FAM131B: variants seen among roughly 807,000 people sequenced by gnomAD.
FAM131B encodes the protein protein FAM131B.
A neutral mutation model predicts 42.0 loss-of-function variants in FAM131B; 19 were observed. The ratio of observed to expected loss-of-function variants is 0.45; its 90% CI spans 0.32 to 0.66. The LOEUF is 0.66. Among genes scored for constraint, FAM131B ranks in the 30% least tolerant of loss-of-function variants. The pLI is 0.05. For missense variants in FAM131B, 370 were observed against 468.4 expected (o/e 0.79, Z 1.94); for synonymous variants, 183 against 177.6 (o/e 1.03, Z -0.24).
At chr7:143,357,209 G>T in intron 6 of FAM131B, 71 bp downstream of exon 6, 1 of 1,499,980 alleles carries the variant, frequency 6.7e-7, no homozygotes, top group Non-Finnish European at 9.2e-7. Flanking sequence ...GAACGGAGCT[G>T]AGTGGAGGCA....
chr7:143,369,698 C>T, the FAM131B span, among the ~76,000 whole-genome samples: 6 of 146,070 alleles, frequency 4.1e-5, no homozygotes, highest in South Asian at 2.2e-4. Context: ...AAGTTTTAAG[C>T]GAGTAGATCT....
the FAM131B span, chr7:143,380,924 G>T: frequency 2.4e-6 from 1 of 423,756 alleles, no homozygotes; most frequent in Non-Finnish European, 3.2e-6. The surrounding 1 kb of genome is among the most constrained non-coding windows in gnomAD (Gnocchi z 5.0). Flanking sequence ...GAGGCGCACA[G>T]GGGCTGCGTG....
chr7:143,380,797 G>A, the FAM131B span: 2 of 984,514 alleles, frequency 2.0e-6, no homozygotes, highest in African/African-American at 3.5e-5. This position sits in a 1 kb window ranked among gnomAD's most constrained non-coding sequence, Gnocchi z 5.0. Flanking sequence ...GTGCACCCTG[G>A]AGCCCAGCTC....
the FAM131B span, chr7:143,381,124 G>A: frequency 1.1e-6 from 1 of 884,178 alleles, no homozygotes; most frequent in Non-Finnish European, 1.4e-6. Flanking sequence ...GTGGGGTGGG[G>A]GCGAGCGGAC....
the FAM131B span, chr7:143,380,509 C>A: frequency 1.0e-6 from 1 of 985,516 alleles, no homozygotes; most frequent in African/African-American, 1.7e-5. The surrounding 1 kb of genome is among the most constrained non-coding windows in gnomAD (Gnocchi z 5.0). Flanking sequence ...CGTCCGCGTC[C>A]GTCCTCCCGG....
chr7:143,376,923 T>A, the FAM131B span, among the ~76,000 whole-genome samples: 2 of 152,312 alleles, frequency 1.3e-5, no homozygotes, highest in African/African-American at 2.4e-5. Flanking sequence ...AAGCCTTCTG[T>A]CCTCCTCAAT....
upstream of FAM131B, among the ~76,000 whole-genome samples, chr7:143,366,011 C>T (rs1462612464): frequency 6.6e-6 from 1 of 152,184 alleles, no homozygotes; most frequent in Admixed American, 6.5e-5. Context: ...CACAGGATCC[C>T]AAAGTCCTTG....
chr7:143,381,581 C>T, the FAM131B span: 2 of 1,610,238 alleles, frequency 1.2e-6, no homozygotes, highest in South Asian at 1.1e-5. Flanking sequence ...CATGGCGGCC[C>T]CCCGCCCGTC....
chr7:143,371,711 G>T, the FAM131B span, among the ~76,000 whole-genome samples: 1 of 152,124 alleles, frequency 6.6e-6, no homozygotes, highest in African/African-American at 2.4e-5. Flanking sequence ...GGATGGTCAT[G>T]GGAGGCCTCA....
upstream of FAM131B, among the ~76,000 whole-genome samples, chr7:143,365,577 A>G (rs1376106422): frequency 1.3e-5 from 2 of 152,174 alleles, no homozygotes; most frequent in African/African-American, 4.8e-5. Flanking sequence ...GGAAAGAGAA[A>G]AAGCTAGCAC....
chr7:143,361,560 A>G (rs1161261928), intron 1 of FAM131B: 1 of 138,166 alleles, frequency 7.2e-6, no homozygotes, highest in African/African-American at 2.7e-5. Flanking sequence ...AATACGAATT[A>G]TTCTCTCAGC....
chr7:143,361,967 G>A (rs1014732469), intron 1 of FAM131B: 1 of 832,696 alleles, frequency 1.2e-6, no homozygotes, highest in Non-Finnish European at 1.4e-6. Context: ...TGTCCCTCCG[G>A]GCGTGGAACC....
At position 143,356,191 on chromosome 7, in the gene FAM131B, C is replaced by T. The variant is rs922348960; in HGVS notation, c.*359G>A. On this transcript the variant is annotated 3_prime_UTR_variant, in exon 7 of 7. Transcript: ENST00000443739. This position sits in a 1 kb window ranked among gnomAD's most constrained non-coding sequence, Gnocchi z 4.4. ...CAGCTCCTGGAAGACGAAATCGGGG[C>T]GTGAAGAACTGAGATCCAGTCTTGA... is the stretch of plus-strand genomic sequence containing the variant. 3.7e-5 allele frequency: 9 copies of T among 244,956 alleles called. No homozygotes were observed. The highest frequency in any genetic ancestry group is 6.7e-5 in the African/African-American group (3 of 44,562). The allele number at this position is 244,956 out of a possible 1,614,324, so 15.2% of individuals were successfully genotyped here.
chr7:143,379,942 C>T, the FAM131B span: 1 of 488,184 alleles, frequency 2.0e-6, no homozygotes, highest in Non-Finnish European at 2.7e-6. Context: ...TGACCCGGGT[C>T]CATCTCTTCA....
At position 143,354,646 on chromosome 7, in the gene FAM131B, G is replaced by A. The variant is rs13241034; in HGVS notation, c.*1904C>T. 6.6e-6 allele frequency: 1 copy of A among 152,206 alleles called. No homozygotes were observed. Among genetic ancestry groups the A allele is most frequent in the East Asian group, 1.9e-4 (1 of 5,182 alleles). The allele number at this position is 152,206 out of a possible 1,614,324, so 9.4% of individuals were successfully genotyped here. A position where few individuals can be genotyped will look rare whatever the true frequency, so the allele number is the denominator to read the frequency against. Reference sequence around the variant, plus strand: ...GTCCTGGGACATGGAGTCAGCACACGTTAGCAAGCACAAGAGGACTCTTCC... The same window carrying A: ...GTCCTGGGACATGGAGTCAGCACACATTAGCAAGCACAAGAGGACTCTTCC... On this transcript the variant is annotated 3_prime_UTR_variant, in exon 7 of 7. Transcript: ENST00000443739.
chr7:143,381,394 C>G, the FAM131B span: 1 of 1,190,998 alleles, frequency 8.4e-7, no homozygotes, highest in Non-Finnish European at 1.0e-6. Context: ...ACGCGGCGCG[C>G]ACGCTCCGGC....
the FAM131B span, among the ~76,000 whole-genome samples, chr7:143,369,236 C>T: frequency 2.6e-5 from 4 of 152,182 alleles, no homozygotes; most frequent in Non-Finnish European, 5.9e-5. Context: ...ATTCTTTTCC[C>T]TATCCTAAGA....
the FAM131B span, chr7:143,380,155 C>T: frequency 6.1e-6 from 6 of 984,266 alleles, no homozygotes; most frequent in Non-Finnish European, 7.2e-6. This position sits in a 1 kb window ranked among gnomAD's most constrained non-coding sequence, Gnocchi z 5.0. Context: ...GCATACTGGA[C>T]TAGCGGGCGA....
At chr7:143,360,476 T>A in intron 1 of FAM131B, 1 of 1,049,720 alleles carries the variant, frequency 9.5e-7, no homozygotes, top group South Asian at 2.3e-5. Context: ...GGAGCTGGGC[T>A]TTTTCTCTAT....
Sources: gnomAD v4.1 joint callset for allele counts (sites outside exome capture counted in the v4.1 genomes callset) on GRCh38, gnomAD v4.1.1 for gene constraint, Gnocchi (gnomAD v3.1) non-coding constraint, MANE v1.5 for transcripts, NCBI Gene and HGNC (gene_info 2026-07-23, HGNC 2026-07-21) for gene names.